BCL9L: variants seen among roughly 807,000 people sequenced by gnomAD.
BCL9L encodes BCL9 like, also known as B-cell CLL/lymphoma 9-like protein.
In BCL9L, 19 loss-of-function variants were observed where a neutral mutation model predicts 99.4. The observed-to-expected ratio is 0.19, with a 90% CI of 0.13 to 0.28. The LOEUF is 0.28. BCL9L is among the 10% of genes least tolerant of loss of function. The pLI is 1.00. For missense variants in BCL9L, 2,023 were observed against 2,101.6 expected, an observed-to-expected ratio of 0.96 and a Z score of 0.73; for synonymous variants, 900 against 854.8, an observed-to-expected ratio of 1.05 and a Z score of -0.92.
rs575646091 is a variant in BCL9L, at chr11:118,896,446, G to A, written c.*1969C>T. The A allele has an allele frequency of 6.5e-6, 1 of 152,678 alleles. No individual in the cohort carries two copies. The highest frequency in any genetic ancestry group is 2.1e-4 in the South Asian group (1 of 4,826). 9.5% of individuals were successfully genotyped at this position (152,678 alleles called of 1,614,324 possible). A position where few individuals can be genotyped will look rare whatever the true frequency, so the allele number is the denominator to read the frequency against. ...CTCTCTCCTCAGGGCAGGAAACACA[G>A]AGTCAGACAGTTTGGGGGGGTCTTG... On this transcript the variant is annotated 3_prime_UTR_variant, in exon 10 of 10. Transcript: ENST00000683865.
rs927491225 is a variant in BCL9L at position 118,897,554 on chromosome 11, G to C, written c.*861C>G. 1 of 350,602 alleles carries C rather than the reference G, an allele frequency of 2.9e-6. No homozygotes were observed. Among genetic ancestry groups the C allele is most frequent in the South Asian group, 2.1e-5 (1 of 46,632 alleles). 21.7% of individuals were successfully genotyped at this position (350,602 alleles called of 1,614,324 possible). A position where few individuals can be genotyped will look rare whatever the true frequency, so the allele number is the denominator to read the frequency against. ...GTCTCAGCCCTGCTAGGGCTCACCA[G>C]GTGGAAGCCTAGGTGGTCTGACCTC... On this transcript the variant is annotated 3_prime_UTR_variant, in exon 10 of 10. Coordinates refer to ENST00000683865, the MANE Select transcript of BCL9L (RefSeq NM_001378213.1).
intron 4 of BCL9L, among the ~76,000 whole-genome samples, 165 bp downstream of exon 4, chr11:118,908,105 C>T (rs1361150463): frequency 6.6e-6 from 1 of 152,216 alleles, no homozygotes; most frequent in Non-Finnish European, 1.5e-5. Flanking sequence ...ACCCCAATCC[C>T]GAATGATCTG....
Position 118,903,016 on chromosome 11 carries a change from T to C in BCL9L, c.808A>G (p.Asn270Asp). ...ADSILAYHQQ[N>D]VPRAKLDQAP... Reference sequence around the variant, plus strand: ...TGGTCAAGCTTGGCCCGGGGCACGTTCTGCTGGTGGTAGGCGAGGATGGAG... The same window carrying C: ...TGGTCAAGCTTGGCCCGGGGCACGTCCTGCTGGTGGTAGGCGAGGATGGAG... Residue 270 changes from asparagine (N) to aspartate (D), a missense_variant, in exon 7 of 10, where the codon AAC (asparagine) becomes GAC (aspartate). By Grantham distance (23) the Asn-to-Asp change is conservative. Coordinates refer to ENST00000683865, the MANE Select transcript of BCL9L (RefSeq NM_001378213.1). The surrounding 1 kb of genome is among the most constrained non-coding windows in gnomAD (Gnocchi z 5.6). The C allele has an allele frequency of 6.3e-7, 1 of 1,596,146 alleles. No individual in the cohort carries two copies. Among genetic ancestry groups the C allele is most frequent in the Non-Finnish European group, 8.5e-7 (1 of 1,175,044 alleles).
intron 1 of BCL9L, among the ~76,000 whole-genome samples, chr11:118,920,454 G>A (rs1941106634): frequency 6.6e-6 from 1 of 152,168 alleles, no homozygotes; most frequent in Non-Finnish European, 1.5e-5. Context: ...CTTCTGCTCA[G>A]GCTGGAAATA....
rs1209882435 is a variant in BCL9L, at chr11:118,902,651, A to G, written c.1092T>C (p.Pro364=). ...TGCTGGGGTCTCCTCCAGGAGGCAG[A>G]GGGTTGTTGGCGGTGGTAGCCGTCG... ...NTPTATTANN[P]LPPGGDPSSA... Residue 364 remains proline, a synonymous_variant, in exon 8 of 10, where the codon CCT becomes CCC. Transcript: ENST00000683865. The surrounding 1 kb of genome is among the most constrained non-coding windows in gnomAD (Gnocchi z 7.8). 1.9e-6 allele frequency: 3 copies of G among 1,599,032 alleles called. No individual in the cohort carries two copies. The highest frequency in any genetic ancestry group is 4.5e-5 in the East Asian group (2 of 44,796).
Position 118,899,959 on chromosome 11 carries a change from G to A in BCL9L, c.3364C>T (p.Pro1122Ser), listed in dbSNP as rs1332350556. The A allele has an allele frequency of 9.9e-6, 16 of 1,613,706 alleles. No homozygotes were observed. The highest frequency in any genetic ancestry group is 1.4e-5 in the Non-Finnish European group (16 of 1,179,998). ...TSDDELLPDRPLLPPPPPPQG... is the reference protein window; with the variant it reads ...TSDDELLPDRSLLPPPPPPQG... ...GGTGGTGGTGGGGGGGGCAGCAGGG[G>A]CCGGTCGGGCAGCAGCTCGTCGTCT... is the stretch of plus-strand genomic sequence containing the variant. Residue 1122 changes from proline to serine, a missense_variant, in exon 9 of 10, where the codon CCC becomes TCC. Physicochemically the swap from Pro to Ser is moderately conservative, Grantham distance 74. Coordinates refer to ENST00000683865, the MANE Select transcript of BCL9L (RefSeq NM_001378213.1).
At position 118,899,021 on chromosome 11, in the gene BCL9L, G is replaced by A. The variant is rs562643900; in HGVS notation, c.3894C>T (p.Leu1298=). The A allele has an allele frequency of 6.2e-7, 1 of 1,613,678 alleles. No individual in the cohort carries two copies. The highest frequency in any genetic ancestry group is 1.3e-5 in the African/African-American group (1 of 75,042). The change falls in exon 10 of 10, where the codon CTC becomes CTT. Residue 1298 remains leucine, a synonymous_variant. Coordinates refer to ENST00000683865, the MANE Select transcript of BCL9L (RefSeq NM_001378213.1). ...RMGDAYPPGV[L]PGVASVLNDP... ...CGTTCAGCACTGATGCCACCCCAGGGAGCACACCCGGTGGGTATGCGTCGC... is the reference window on the plus strand; with the variant it reads ...CGTTCAGCACTGATGCCACCCCAGGAAGCACACCCGGTGGGTATGCGTCGC...
At chr11:118,918,584 G>A (rs1040448183) in intron 2 of BCL9L, among the ~76,000 whole-genome samples, 3 of 151,820 alleles carry the variant, frequency 2.0e-5, no homozygotes, top group Non-Finnish European at 2.9e-5. Context: ...CTCCCAGCCC[G>A]GCCCCACTCC....
chr11:118,900,369 C>T lies in BCL9L; in HGVS notation c.3125-171G>A, dbSNP rs1052507779. 1.3e-5 allele frequency among the ~76,000 whole-genome samples: 2 copies of T among 152,138 alleles called. No homozygotes were observed. Among genetic ancestry groups the T allele is most frequent in the African/African-American group, 4.8e-5 (2 of 41,412 alleles). ...GAGCCCACCAGTCTTCAAGCAATTC[C>T]TGCAGCCTCAGGGCCCCAGGCAAGG... On this transcript the variant is annotated intron_variant, in intron 8 of 9. Coordinates refer to ENST00000683865, the MANE Select transcript of BCL9L (RefSeq NM_001378213.1). The surrounding 1 kb of genome is among the most constrained non-coding windows in gnomAD (Gnocchi z 5.3).
At chr11:118,910,249 C>A (rs1565625680) in intron 2 of BCL9L, 2 of 389,464 alleles carry the variant, frequency 5.1e-6, no homozygotes, top group Non-Finnish European at 9.7e-6. Context: ...TCCGCCCCGA[C>A]GGGCGGCAGA....
intron 2 of BCL9L, among the ~76,000 whole-genome samples, chr11:118,911,842 T>G (rs1940806673): frequency 6.6e-6 from 1 of 152,054 alleles, no homozygotes; most frequent in Non-Finnish European, 1.5e-5. Flanking sequence ...AGTGCCCAGG[T>G]CCCCCATAAG....
At chr11:118,920,078 C>A (rs1441630102) in intron 1 of BCL9L, among the ~76,000 whole-genome samples, 2 of 152,212 alleles carry the variant, frequency 1.3e-5, no homozygotes, top group Non-Finnish European at 2.9e-5. Flanking sequence ...CCTCCTGCTG[C>A]TGTCTCCATA....
chr11:118,902,979 G>A lies in BCL9L; in HGVS notation c.834+11C>T, dbSNP rs759301388. ...ACCCAGTCCTGCTGCTCACAGAGGCGCCACGCTCACCTGGTCAAGCTTGGC... is the reference window on the plus strand; with the variant it reads ...ACCCAGTCCTGCTGCTCACAGAGGCACCACGCTCACCTGGTCAAGCTTGGC... On this transcript the variant is annotated intron_variant, in intron 7 of 9. Transcript: ENST00000683865. This position sits in a 1 kb window ranked among gnomAD's most constrained non-coding sequence, Gnocchi z 7.8. 4.6e-5 allele frequency: 74 copies of A among 1,595,212 alleles called. No homozygotes were observed. Among genetic ancestry groups the A allele is most frequent in the East Asian group, 6.8e-5 (3 of 44,376 alleles).
intron 2 of BCL9L, among the ~76,000 whole-genome samples, chr11:118,918,311 A>C (rs1275205902): frequency 2.0e-5 from 3 of 150,708 alleles, no homozygotes; most frequent in African/African-American, 7.5e-5. Context: ...GTGTGTGTAC[A>C]CGCACGCATG....
At position 118,907,595 on chromosome 11, in the gene BCL9L, C is replaced by G; in HGVS notation, c.420G>C (p.Ala140=). The G allele has an allele frequency of 6.2e-7, 1 of 1,612,890 alleles. No individual in the cohort carries two copies. The highest frequency in any genetic ancestry group is 1.1e-5 in the South Asian group (1 of 91,088). ...GCACACAGCGCCGCTTACTCCGCGG[C>G]GCCACCTCTGCCCAGGCAGGACGGA... The part of the protein sequence containing the change: ...PSLDSEAKEV[A]PRSKRRCVLE... Residue 140 remains alanine (A), a synonymous_variant, in exon 5 of 10, where the codon GCG becomes GCC. Transcript: ENST00000683865.
At position 118,900,941 on chromosome 11, in the gene BCL9L, C is replaced by T. The variant is rs776947550; in HGVS notation, c.2802G>A (p.Ser934=). 109 of 1,557,444 alleles carry T rather than the reference C, an allele frequency of 7.0e-5. No individual in the cohort carries two copies. The highest frequency in any genetic ancestry group is 8.3e-5 in the Non-Finnish European group (95 of 1,149,116). The change falls in exon 8 of 10, where the codon TCG becomes TCA. Residue 934 remains serine (S), a synonymous_variant. Transcript: ENST00000683865. This position sits in a 1 kb window ranked among gnomAD's most constrained non-coding sequence, Gnocchi z 5.3. ...MGSPGMGHLK[S]PTLSQVHSPL... is the part of the protein sequence containing the mutation. ...GTGAGTGCACCTGGCTAAGGGTGGG[C>T]GACTTCAAGTGCCCCATGCCCGGTG...
At position 118,897,728 on chromosome 11, in the gene BCL9L, TGAA is replaced by T. The variant is rs1939972417; in HGVS notation, c.*684_*686del. The stretch of plus-strand genomic sequence containing the variant: ...CAGGGGAATGGAGGGAGCAATAACT[TGAA>T]GAAGGGGGGAAGGGTTTCTTTTATC... On this transcript the variant is annotated 3_prime_UTR_variant, in exon 10 of 10. Coordinates refer to ENST00000683865, the MANE Select transcript of BCL9L (RefSeq NM_001378213.1). 1 of 448,642 alleles carries T rather than the reference TGAA, an allele frequency of 2.2e-6. No individual in the cohort carries two copies. Among genetic ancestry groups the T allele is most frequent in the Non-Finnish European group, 4.4e-6 (1 of 225,082 alleles). 27.8% of individuals were successfully genotyped at this position (448,642 alleles called of 1,614,324 possible).
At position 118,921,078 on chromosome 11, in the gene BCL9L, C is replaced by T. The variant is rs914413723; in HGVS notation, c.-130-2199G>A. ...CACAGACACAACTCCCAAAGATGCACATCCAAAGACGTTTCCTAAAAAGCA... is the reference window on the plus strand; with the variant it reads ...CACAGACACAACTCCCAAAGATGCATATCCAAAGACGTTTCCTAAAAAGCA... On this transcript the variant is annotated intron_variant, in intron 1 of 9. Coordinates refer to ENST00000683865, the MANE Select transcript of BCL9L (RefSeq NM_001378213.1). This position sits in a 1 kb window ranked among gnomAD's most constrained non-coding sequence, Gnocchi z 5.4. Among the ~76,000 whole-genome samples, 4 of 152,186 alleles carry T rather than the reference C, an allele frequency of 2.6e-5. No individual in the cohort carries two copies. The highest frequency in any genetic ancestry group is 9.7e-5 in the African/African-American group (4 of 41,440).
chr11:118,901,933 G>A lies in BCL9L; in HGVS notation c.1810C>T (p.Pro604Ser). The change falls in exon 8 of 10, where the codon CCA (proline) becomes TCA (serine). Residue 604 changes from proline to serine, a missense_variant. This residue lies in a region of BCL9L where 1,116 missense variants were observed against 1,194.6 expected (regional missense o/e 0.93). Transcript: ENST00000683865. The surrounding 1 kb of genome is among the most constrained non-coding windows in gnomAD (Gnocchi z 6.6). Reference protein sequence around the residue: ...GGPPFPGPRFPGNQIQRVPGF... With the variant: ...GGPPFPGPRFSGNQIQRVPGF... ...GGTACCCGTTGTATCTGGTTGCCTG[G>A]GAAACGGGGCCCAGGAAAGGGAGGT... 2 of 1,613,316 alleles carry A rather than the reference G, an allele frequency of 1.2e-6. No homozygotes were observed. The highest frequency in any genetic ancestry group is 1.3e-5 in the African/African-American group (1 of 75,046).
Sources: gnomAD v4.1 joint callset for allele counts (sites outside exome capture counted in the v4.1 genomes callset) on GRCh38, gnomAD v4.1.1 for gene constraint, gnomAD v4.1.1 regional missense constraint, Gnocchi (gnomAD v3.1) non-coding constraint, MANE v1.5 for transcripts, NCBI Gene and HGNC (gene_info 2026-07-23, HGNC 2026-07-21) for gene names.